GAL3ST2: variants seen among roughly 807,000 people sequenced by gnomAD.
GAL3ST2 encodes the protein beta-galactose-3-O-sulfotransferase 2.
In GAL3ST2, 16 loss-of-function variants were observed where a neutral mutation model predicts 12.9. The ratio of observed to expected loss-of-function variants is 1.24; its 90% CI spans 0.84 to 1.88. The LOEUF (loss-of-function observed/expected upper bound fraction) is 1.88. Among genes scored for constraint, GAL3ST2 ranks in the 40% most tolerant of loss-of-function variants. The pLI, the probability that GAL3ST2 is intolerant of heterozygous loss-of-function variation, is 0.00. For missense variants in GAL3ST2, 639 were observed against 571.8 expected, an observed-to-expected ratio of 1.12 and a Z score of -1.20; for synonymous variants, 302 against 273.9, an observed-to-expected ratio of 1.10 and a Z score of -1.01.
At position 241,801,886 on chromosome 2, in the gene GAL3ST2, C is replaced by G. The variant is rs1197715808; in HGVS notation, c.225C>G (p.Ala75=). ...TGCTCAACATCCTCTACCGCTTCGC[C>G]GAGACCCACAACCTGTCCGTGGCGC... The part of the protein sequence containing the change: ...STVLNILYRF[A]ETHNLSVALP... Residue 75 remains alanine (A), a synonymous_variant, in exon 3 of 4, where the codon GCC becomes GCG. Coordinates refer to ENST00000192314, the MANE Select transcript of GAL3ST2 (RefSeq NM_022134.3). The surrounding 1 kb of genome is among the most constrained non-coding windows in gnomAD (Gnocchi z 4.4). 4 of 1,613,006 alleles carry G rather than the reference C, an allele frequency of 2.5e-6. No individual in the cohort carries two copies. The Admixed American group carries it at 6.7e-5, about 27-fold the overall frequency.
In GAL3ST2 at chr2:241,793,473, C is replaced by T. The variant is rs1356455429; in HGVS notation, c.30-5592C>T. Among the ~76,000 whole-genome samples, 1 of 150,878 alleles carries T rather than the reference C, an allele frequency of 6.6e-6. No individual in the cohort carries two copies. The highest frequency in any genetic ancestry group is 1.5e-5 in the Non-Finnish European group (1 of 67,824). On this transcript the variant is annotated intron_variant, in intron 1 of 3. Transcript: ENST00000192314. This position sits in a 1 kb window ranked among gnomAD's most constrained non-coding sequence, Gnocchi z 4.7. ...CTGTGTATGCGTGTGTATGTGTATG[C>T]ATGTGTATTATATGTACATATTGTG... is the stretch of plus-strand genomic sequence containing the variant.
At chr2:241,787,458 C>T (rs544915269) in intron 1 of GAL3ST2, among the ~76,000 whole-genome samples, 15 of 151,970 alleles carry the variant, frequency 9.9e-5, no homozygotes, top group East Asian at 7.7e-4. Flanking sequence ...TGCTGATGTC[C>T]GGGAGCACCC....
Position 241,778,517 on chromosome 2 carries a change from G to C in GAL3ST2, c.29+1533G>C, listed in dbSNP as rs894024503. On this transcript the variant is annotated intron_variant, in intron 1 of 3. Coordinates refer to ENST00000192314, the MANE Select transcript of GAL3ST2 (RefSeq NM_022134.3). ...TGGGGGTGTTGCCTCCCTGGGGTGT[G>C]GCCAGGTATCTTTGGGGAGGAGGGG... 1.3e-5 allele frequency among the ~76,000 whole-genome samples: 2 copies of C among 152,350 alleles called. 1 individual carries two copies.
At chr2:241,794,635 C>T (rs1281600349) in intron 1 of GAL3ST2, among the ~76,000 whole-genome samples, 1 of 152,176 alleles carries the variant, frequency 6.6e-6, no homozygotes, top group Non-Finnish European at 1.5e-5. Flanking sequence ...TCCCGAGGCT[C>T]CAACAGCAGG....
intron 1 of GAL3ST2, among the ~76,000 whole-genome samples, chr2:241,786,047 A>G (rs1472239409): frequency 6.6e-6 from 1 of 152,168 alleles, no homozygotes; most frequent in African/African-American, 2.4e-5. Flanking sequence ...TGGTCTTGTT[A>G]TGTAAATAAA....
chr2:241,785,781 T>A (rs1456450377), intron 1 of GAL3ST2, among the ~76,000 whole-genome samples: 1 of 151,942 alleles, frequency 6.6e-6, no homozygotes, highest in Admixed American at 6.6e-5. Flanking sequence ...AAAAAACTTT[T>A]GCTCAAAAAA....
chr2:241,780,974 C>CG (rs768242918), intron 1 of GAL3ST2, among the ~76,000 whole-genome samples: 2 of 152,208 alleles, frequency 1.3e-5, no homozygotes, highest in Non-Finnish European at 2.9e-5. Flanking sequence ...GAAAGCTCAC[C>CG]GTTCCAGTCA....
intron 1 of GAL3ST2, among the ~76,000 whole-genome samples, chr2:241,798,792 G>C (rs972500601): frequency 6.6e-6 from 1 of 152,148 alleles, no homozygotes; most frequent in Non-Finnish European, 1.5e-5. Context: ...GTCAGCTCCC[G>C]AACCCCAGGG....
At chr2:241,791,165 C>T (rs1461167691) in intron 1 of GAL3ST2, among the ~76,000 whole-genome samples, 1 of 152,146 alleles carries the variant, frequency 6.6e-6, no homozygotes. Context: ...GTGTCATGGG[C>T]CATGGTCACT....
At chr2:241,791,996 C>A (rs1224558752) in intron 1 of GAL3ST2, among the ~76,000 whole-genome samples, 1 of 145,584 alleles carries the variant, frequency 6.9e-6, no homozygotes, top group Non-Finnish European at 1.5e-5. Flanking sequence ...TTTCTGTTTT[C>A]TTTTCTTTTC....
rs983049770 is a variant in GAL3ST2, at chr2:241,801,270, T to C, written c.120-511T>C. 6.4e-6 allele frequency: 1 copy of C among 156,180 alleles called. No individual in the cohort carries two copies. Among genetic ancestry groups the C allele is most frequent in the South Asian group, 2.0e-4 (1 of 5,046 alleles). 9.7% of individuals were successfully genotyped at this position (156,180 alleles called of 1,614,324 possible). A position where few individuals can be genotyped will look rare whatever the true frequency, so the allele number is the denominator to read the frequency against. On this transcript the variant is annotated intron_variant, in intron 2 of 3. Coordinates refer to ENST00000192314, the MANE Select transcript of GAL3ST2 (RefSeq NM_022134.3). The surrounding 1 kb of genome is among the most constrained non-coding windows in gnomAD (Gnocchi z 4.4). The stretch of plus-strand genomic sequence containing the variant: ...GGATGATGGTTTCCAGCTTCATCCA[T>C]GTCCCTGCAAAGGACATGAACTCAT...
At chr2:241,777,246 C>T (rs1699499739) in intron 1 of GAL3ST2, among the ~76,000 whole-genome samples, 1 of 152,190 alleles carries the variant, frequency 6.6e-6, no homozygotes, top group African/African-American at 2.4e-5. Flanking sequence ...CCCCCCAACA[C>T]TGTGGCGTGG....
Position 241,803,455 on chromosome 2 carries a change from G to C in GAL3ST2, c.486G>C (p.Arg162=). 6.2e-7 allele frequency: 1 copy of C among 1,611,946 alleles called. No individual in the cohort carries two copies. Among genetic ancestry groups the C allele is most frequent in the Non-Finnish European group, 8.5e-7 (1 of 1,179,494 alleles). The part of the protein sequence containing the change: ...IYYKTYAPAF[R]GAPSLDAFLA... ...ACAAAACCTACGCCCCCGCCTTCCG[G>C]GGCGCCCCGAGCCTGGACGCGTTCC... Residue 162 remains arginine (R), a synonymous_variant, in exon 4 of 4, where the codon CGG becomes CGC. Transcript: ENST00000192314.
intron 3 of GAL3ST2, 83 bp from the exon 4 acceptor site, chr2:241,803,261 TG>T: frequency 1.8e-6 from 2 of 1,108,294 alleles, no homozygotes; most frequent in Non-Finnish European, 2.5e-6. Flanking sequence ...TGAGCGGGTG[TG>T]GCCAGGGCGC....
At chr2:241,787,320 A>C (rs1699638810) in intron 1 of GAL3ST2, among the ~76,000 whole-genome samples, 2 of 151,992 alleles carry the variant, frequency 1.3e-5, no homozygotes, top group South Asian at 4.2e-4. Context: ...TTCTAAATTA[A>C]CTGAGACGTG....
intron 1 of GAL3ST2, among the ~76,000 whole-genome samples, chr2:241,797,448 G>A (rs1222199884): frequency 6.6e-6 from 1 of 152,190 alleles, no homozygotes; most frequent in African/African-American, 2.4e-5. Context: ...TCTTCTTCGG[G>A]ATTATGCTAA....
At chr2:241,782,605 T>C (rs140774254) in intron 1 of GAL3ST2, among the ~76,000 whole-genome samples, 2,721 of 152,174 alleles carry the variant, frequency 0.018, 89 homozygotes, top group African/African-American at 0.063. Flanking sequence ...GGATTACAGG[T>C]GTGTACCACC....
At chr2:241,783,729 G>A (rs995697975) in intron 1 of GAL3ST2, among the ~76,000 whole-genome samples, 12 of 151,992 alleles carry the variant, frequency 7.9e-5, no homozygotes, top group Admixed American at 5.2e-4. Flanking sequence ...ATCATTTAAC[G>A]TTATGAAACT....
intron 1 of GAL3ST2, among the ~76,000 whole-genome samples, chr2:241,788,253 C>G (rs1279030758): frequency 6.6e-6 from 1 of 152,174 alleles, no homozygotes; most frequent in Non-Finnish European, 1.5e-5. Flanking sequence ...ATTACCTGAC[C>G]TCTTTGGCTT....
Sources: allele counts gnomAD v4.1 joint callset (sites outside exome capture counted in the v4.1 genomes callset), GRCh38; gene constraint gnomAD v4.1.1; non-coding constraint Gnocchi (gnomAD v3.1); transcripts MANE v1.5; gene names NCBI Gene and HGNC (gene_info 2026-07-23, HGNC 2026-07-21).